Variants in SLCO1B3 observed in about 807,000 individuals in gnomAD.
The protein encoded by SLCO1B3 is liver-specific organic anion transporter 2.
SLCO1B3 carries 72 observed loss-of-function variants against 71.8 expected under a neutral mutation model. The ratio of observed to expected loss-of-function variants is 1.00; its 90% CI spans 0.83 to 1.22. SLCO1B3 has a LOEUF of 1.22. Among genes scored for constraint, SLCO1B3 ranks in the 50% most tolerant of loss-of-function variants. The pLI is 0.00. For synonymous variants in SLCO1B3, 298 were observed against 278.4 expected (o/e 1.07, Z -0.70); for missense variants, 911 against 819.7 (o/e 1.11, Z -1.36).
At chr12:20,907,936 CT>C (rs1866287628) in intron 15 of SLCO1B3, among the ~76,000 whole-genome samples, 1 of 152,102 alleles carries the variant, frequency 6.6e-6, no homozygotes, top group Non-Finnish European at 1.5e-5. Context: ...TGGCAAGATG[CT>C]CCCCAGAATC....
chr12:20,860,978 T>G, intron 5 of SLCO1B3, 39 bp from the exon 6 acceptor site: 1 of 1,529,342 alleles, frequency 6.5e-7, no homozygotes, highest in African/African-American at 1.4e-5. Flanking sequence ...AAATATTCAG[T>G]AGATAAGCAA....
intron 9 of SLCO1B3, among the ~76,000 whole-genome samples, chr12:20,876,785 T>C (rs377308552): frequency 5.3e-5 from 8 of 152,314 alleles, no homozygotes; most frequent in African/African-American, 1.9e-4. Context: ...AAGGATTTTT[T>C]ATTTTGTCTA....
intron 3 of SLCO1B3, among the ~76,000 whole-genome samples, chr12:20,842,362 T>C (rs1864820393): frequency 6.6e-6 from 1 of 152,250 alleles, no homozygotes. Context: ...CTACTGACTT[T>C]TGTTTATATA....
chr12:20,885,895 A>G (rs4762802), intron 13 of SLCO1B3, among the ~76,000 whole-genome samples: 81,328 of 151,788 alleles, frequency 0.54, 24,337 homozygotes, highest in South Asian at 0.77. Context: ...CTTACCTGAG[A>G]AGATCACTCT....
chr12:20,864,947 T>G (rs1284796979), intron 8 of SLCO1B3, among the ~76,000 whole-genome samples: 4 of 152,074 alleles, frequency 2.6e-5, no homozygotes, highest in African/African-American at 9.7e-5. Flanking sequence ...ACACTAAAAC[T>G]CATGTGCTCC....
At chr12:20,882,114 G>A (rs1865706262) in intron 12 of SLCO1B3, among the ~76,000 whole-genome samples, 1 of 152,118 alleles carries the variant, frequency 6.6e-6, no homozygotes, top group African/African-American at 2.4e-5. Flanking sequence ...CTGGTCCTGT[G>A]TTGTCCAGTA....
chr12:20,909,098 T>C lies in SLCO1B3; in HGVS notation c.1866-6906T>C, dbSNP rs537841760. Among the ~76,000 whole-genome samples the C allele has an allele frequency of 1.6e-3, 238 of 152,146 alleles. 1 individual carries two copies. Among genetic ancestry groups the C allele is most frequent in the Middle Eastern group, 6.8e-3 (2 of 294 alleles). On this transcript the variant is annotated intron_variant, in intron 15 of 15. Transcript: ENST00000381545. ...CCATTCTAATAGGTATGTAGTGGTA[T>C]CTCATTGTTGTTTAAATGTGCATTT...
Position 20,862,175 on chromosome 12 carries a change from A to T in SLCO1B3, c.482-237A>T, listed in dbSNP as rs778845573. On this transcript the variant is annotated intron_variant, in intron 6 of 15. Coordinates refer to ENST00000381545, the MANE Select transcript of SLCO1B3 (RefSeq NM_019844.4). Reference sequence around the variant, plus strand: ...TGCATATTTTGTGCACTAAAAATGCAGAAGATCTAGAATAACATTTGCAAT... The same window carrying T: ...TGCATATTTTGTGCACTAAAAATGCTGAAGATCTAGAATAACATTTGCAAT... 2.0e-5 allele frequency among the ~76,000 whole-genome samples: 3 copies of T among 152,186 alleles called. No homozygotes were observed. In the South Asian group the frequency reaches 6.2e-4, roughly 31 times the overall value.
At chr12:20,909,508 T>C (rs759971116) in intron 15 of SLCO1B3, among the ~76,000 whole-genome samples, 19 of 151,840 alleles carry the variant, frequency 1.3e-4, no homozygotes, top group Non-Finnish European at 2.5e-4. Context: ...TTGCCACCTC[T>C]ATATTTTTTG....
chr12:20,815,819 C>T lies in SLCO1B3; in HGVS notation c.81C>T (p.Phe27=). The part of the protein sequence containing the change: ...EKKKTRRCNG[F]KMFLAALSFS... ...AGAAAACAAGACGCTGCAATGGATTCAAGGTAGAATGGGTTTTATATTTTC... is the reference window on the plus strand; with the variant it reads ...AGAAAACAAGACGCTGCAATGGATTTAAGGTAGAATGGGTTTTATATTTTC... The change falls in exon 3 of 16, where the codon TTC becomes TTT. Residue 27 remains phenylalanine (F), a synonymous_variant. Transcript: ENST00000381545. The T allele has an allele frequency of 1.3e-6, 2 of 1,577,306 alleles. No individual in the cohort carries two copies. Among genetic ancestry groups the T allele is most frequent in the Non-Finnish European group, 8.6e-7 (1 of 1,157,818 alleles).
chr12:20,812,792 C>A (rs1356475567), intron 1 of SLCO1B3, among the ~76,000 whole-genome samples: 1 of 152,074 alleles, frequency 6.6e-6, no homozygotes, highest in Non-Finnish European at 1.5e-5. Context: ...AGTCTTCAAG[C>A]CTTCAAGAAT....
intron 8 of SLCO1B3, among the ~76,000 whole-genome samples, chr12:20,868,962 T>C (rs1450945068): frequency 2.0e-5 from 3 of 151,896 alleles, no homozygotes; most frequent in African/African-American, 7.2e-5. Flanking sequence ...ACTAATTTAC[T>C]ACTGCTATCT....
intron 3 of SLCO1B3, among the ~76,000 whole-genome samples, chr12:20,830,369 A>G (rs1372343693): frequency 1.4e-4 from 22 of 152,172 alleles, no homozygotes; most frequent in Non-Finnish European, 4.4e-5. Flanking sequence ...GAGGGCTTCA[A>G]TATTTAAAGG....
chr12:20,890,466 G>GAA (rs1865882196), intron 13 of SLCO1B3, among the ~76,000 whole-genome samples: 1 of 152,202 alleles, frequency 6.6e-6, no homozygotes, highest in Admixed American at 6.5e-5. Context: ...GTGTACATGA[G>GAA]AAGAATGTAT....
chr12:20,888,844 A>G (rs1056275370), intron 13 of SLCO1B3, among the ~76,000 whole-genome samples: 2 of 151,894 alleles, frequency 1.3e-5, no homozygotes, highest in Non-Finnish European at 2.9e-5. Context: ...CATGGTTTTT[A>G]TTATTTTAAA....
At chr12:20,862,957 ATT>A (rs1360233424) in intron 8 of SLCO1B3, 103 bp downstream of exon 8, 7 of 578,480 alleles carry the variant, frequency 1.2e-5, no homozygotes, top group Non-Finnish European at 2.1e-5. Flanking sequence ...TTTGTTTACT[ATT>A]TTTCAAGAGT....
chr12:20,851,048 A>G (rs1264484899), intron 3 of SLCO1B3, among the ~76,000 whole-genome samples: 8 of 152,080 alleles, frequency 5.3e-5, no homozygotes, highest in Non-Finnish European at 1.0e-4. Flanking sequence ...GCATTATCAT[A>G]TTTTATTTAT....
At chr12:20,873,853 A>G (rs1036020570) in intron 8 of SLCO1B3, among the ~76,000 whole-genome samples, 5 of 151,984 alleles carry the variant, frequency 3.3e-5, no homozygotes, top group African/African-American at 1.2e-4. Context: ...GAGAACATGC[A>G]GTGTTTGATT....
chr12:20,817,722 G>C (rs1864215802), intron 3 of SLCO1B3, among the ~76,000 whole-genome samples: 1 of 151,926 alleles, frequency 6.6e-6, no homozygotes, highest in Admixed American at 6.6e-5. Flanking sequence ...TGAGTAGCTG[G>C]GACTACAGGC....
Sources: gnomAD v4.1 joint callset for allele counts (sites outside exome capture counted in the v4.1 genomes callset) on GRCh38, gnomAD v4.1.1 for gene constraint, MANE v1.5 for transcripts, NCBI Gene and HGNC (gene_info 2026-07-23, HGNC 2026-07-21) for gene names.